DMD: variants seen among roughly 807,000 people sequenced by gnomAD.
The protein encoded by DMD is mutant dystrophin.
A neutral mutation model predicts 330.1 loss-of-function variants in DMD; 63 were observed. The observed-to-expected ratio is 0.19, with a 90% CI of 0.16 to 0.24. DMD has a LOEUF of 0.24. Among genes scored for constraint, DMD ranks in the 10% least tolerant of loss-of-function variants. DMD has a pLI of 1.00. For synonymous variants in DMD, 1,223 were observed against 959.8 expected (o/e 1.27, Z -5.07); for missense variants, 3,344 against 2,684.1 (o/e 1.25, Z -5.43).
chrX:33,110,106 C>T (rs1372701337), intron 1 of DMD, among the ~76,000 whole-genome samples: 3 of 111,254 alleles, frequency 2.7e-5, no homozygotes, highest in Non-Finnish European at 5.7e-5. Flanking sequence ...CACATGTTAC[C>T]ACTAGAGAAA....
At chrX:33,022,074 A>G (rs1028435468) in intron 1 of DMD, among the ~76,000 whole-genome samples, 1 of 111,683 alleles carries the variant, frequency 9.0e-6, no homozygotes, top group African/African-American at 3.2e-5. Context: ...ATATACATAT[A>G]TTCCTAAAAG....
At position 31,287,826 on chromosome X, in the gene DMD, G is replaced by C. The variant is rs141028749; in HGVS notation, c.9225-26810C>G. Reference sequence around the variant, plus strand: ...TGCTTCAATTACGTGTACAGCAAATGGTAAATATTTCTCATTTATATAACA... The same window carrying C: ...TGCTTCAATTACGTGTACAGCAAATCGTAAATATTTCTCATTTATATAACA... On this transcript the variant is annotated intron_variant, in intron 62 of 78. Coordinates refer to ENST00000357033, the MANE Select transcript of DMD (RefSeq NM_004006.3). Among the ~76,000 whole-genome samples the C allele has an allele frequency of 9.4e-3, 1,056 of 111,799 alleles. 8 individuals carry two copies. The highest frequency in any genetic ancestry group is 0.016 in the Non-Finnish European group (856 of 53,143).
At chrX:32,279,126 C>T (rs2097402655) in intron 43 of DMD, among the ~76,000 whole-genome samples, 1 of 111,496 alleles carries the variant, frequency 9.0e-6, no homozygotes, top group Non-Finnish European at 1.9e-5. Context: ...TTCTCTCACC[C>T]CAATTAAAAC....
At chrX:32,671,634 G>A (rs1396260865) in intron 9 of DMD, among the ~76,000 whole-genome samples, 1 of 111,692 alleles carries the variant, frequency 9.0e-6, no homozygotes, top group African/African-American at 3.2e-5. Flanking sequence ...TAGAAAAATG[G>A]AAAATCATAC....
At chrX:33,266,095 T>C (rs1200635106) in intron 1 of DMD, among the ~76,000 whole-genome samples, 1 of 111,713 alleles carries the variant, frequency 9.0e-6, no homozygotes, top group Non-Finnish European at 1.9e-5. Context: ...TAGCTTTCTC[T>C]TTATTAAATC....
At position 31,932,217 on chromosome X, in the gene DMD, GTTC is replaced by G; in HGVS notation, c.6622_6624del (p.Glu2208del). On this transcript the variant is annotated inframe_deletion, in exon 46 of 79. Coordinates refer to ENST00000357033, the MANE Select transcript of DMD (RefSeq NM_004006.3). ...TGAAATTCTGACAAGATATTCTTTT[GTTC>G]TTCTAGCCTGGAGAAAGAAGAATAA... 8.4e-7 allele frequency: 1 copy of G among 1,185,191 alleles called. No individual in the cohort carries two copies.
intron 50 of DMD, among the ~76,000 whole-genome samples, chrX:31,816,617 G>A (rs1303144135): frequency 4.6e-5 from 5 of 109,600 alleles, no homozygotes; most frequent in African/African-American, 1.7e-4. Flanking sequence ...TGATCAACAT[G>A]GAGCAACCCC....
At chrX:32,610,579 G>GC (rs1444117358) in intron 12 of DMD, among the ~76,000 whole-genome samples, 2 of 110,902 alleles carry the variant, frequency 1.8e-5, no homozygotes, top group African/African-American at 3.3e-5. Context: ...TTTTAATCTT[G>GC]CCCTCCAGTT....
intron 42 of DMD, among the ~76,000 whole-genome samples, chrX:32,296,217 C>T (rs1051133183): frequency 9.1e-6 from 1 of 109,863 alleles, no homozygotes; most frequent in Non-Finnish European, 1.9e-5. Flanking sequence ...CATGTGAAAC[C>T]CTGTCTCTAC....
chrX:32,613,313 T>C (rs1352086343), intron 12 of DMD, among the ~76,000 whole-genome samples: 1 of 111,032 alleles, frequency 9.0e-6, no homozygotes, highest in African/African-American at 3.3e-5. Context: ...TCCTCATGAA[T>C]TGAGCAGGAG....
chrX:33,218,566 A>G (rs1239696205), intron 1 of DMD, among the ~76,000 whole-genome samples: 1 of 111,212 alleles, frequency 9.0e-6, no homozygotes, highest in African/African-American at 3.3e-5. Flanking sequence ...TAGTTTTCAG[A>G]CATTTGACTA....
At chrX:32,692,903 A>G (rs922698209) in intron 9 of DMD, among the ~76,000 whole-genome samples, 2 of 111,894 alleles carry the variant, frequency 1.8e-5, no homozygotes, top group Non-Finnish European at 3.8e-5. Context: ...ATACCATGCA[A>G]TGTTCTTTAT....
intron 1 of DMD, among the ~76,000 whole-genome samples, chrX:33,302,040 T>C (rs1018228108): frequency 8.9e-6 from 1 of 111,940 alleles, no homozygotes. Flanking sequence ...ATATTGGCTA[T>C]ATATTTTTAT....
intron 2 of DMD, among the ~76,000 whole-genome samples, chrX:32,927,117 C>A (rs1030046738): frequency 1.2e-4 from 13 of 110,883 alleles, no homozygotes; most frequent in African/African-American, 4.3e-4. Flanking sequence ...TTATTTGTAT[C>A]TCTACTTCGT....
At chrX:33,173,012 GA>G (rs1480281409) in intron 1 of DMD, among the ~76,000 whole-genome samples, 1 of 111,010 alleles carries the variant, frequency 9.0e-6, no homozygotes, top group African/African-American at 3.3e-5. Context: ...TTTTACATTA[GA>G]AAAAATCAGA....
intron 1 of DMD, among the ~76,000 whole-genome samples, chrX:33,191,065 T>C (rs1223485223): frequency 2.4e-5 from 2 of 84,250 alleles, no homozygotes; most frequent in African/African-American, 4.1e-5. Context: ...GAAGTCAGTA[T>C]TGATGATTTG....
At chrX:32,771,510 A>G (rs1376292375) in intron 7 of DMD, among the ~76,000 whole-genome samples, 1 of 110,433 alleles carries the variant, frequency 9.1e-6, no homozygotes. Context: ...TAATACACAC[A>G]CACACACACA....
intron 60 of DMD, among the ~76,000 whole-genome samples, chrX:31,363,240 C>G (rs771352049): frequency 1.3e-4 from 15 of 111,125 alleles, no homozygotes; most frequent in African/African-American, 4.6e-4. Flanking sequence ...TTCAATCTAC[C>G]CTTTCTGGTC....
intron 68 of DMD, among the ~76,000 whole-genome samples, chrX:31,181,790 G>T (rs776514706): frequency 8.9e-6 from 1 of 112,656 alleles, no homozygotes; most frequent in African/African-American, 3.2e-5. Context: ...CAGTTCACAC[G>T]TAACTGGAAA....
Sources: gnomAD v4.1 joint callset for allele counts (sites outside exome capture counted in the v4.1 genomes callset) on GRCh38, gnomAD v4.1.1 for gene constraint, MANE v1.5 for transcripts, NCBI Gene and HGNC (gene_info 2026-07-23, HGNC 2026-07-21) for gene names.